SPATA13: variants seen among roughly 807,000 people sequenced by gnomAD.
SPATA13 encodes the protein spermatogenesis associated 13.
SPATA13 carries 50 observed loss-of-function variants against 104.0 expected under a neutral mutation model. The ratio of observed to expected loss-of-function variants is 0.48; its 90% confidence interval spans 0.38 to 0.61. The LOEUF (loss-of-function observed/expected upper bound fraction) is 0.61. SPATA13 is among the 20% of genes least tolerant of loss of function. SPATA13 has a pLI of 0.00. For synonymous variants in SPATA13, 606 were observed against 667.5 expected, an observed-to-expected ratio of 0.91 and a Z score of 1.42; for missense variants, 1,524 against 1,690.6, an observed-to-expected ratio of 0.90 and a Z score of 1.73.
intron 3 of SPATA13, among the ~76,000 whole-genome samples, chr13:24,073,202 G>A (rs1195048152): frequency 6.6e-6 from 1 of 152,138 alleles, no homozygotes; most frequent in African/African-American, 2.4e-5. Flanking sequence ...GTGGACATTT[G>A]TCAAGGTTTC....
chr13:24,115,659 A>G (rs936196889), intron 3 of SPATA13, among the ~76,000 whole-genome samples: 2 of 152,210 alleles, frequency 1.3e-5, no homozygotes, highest in South Asian at 2.1e-4. Context: ...TACAACCGCA[A>G]TGAACATTCA....
chr13:24,303,303 G>T lies in SPATA13; in HGVS notation c.*530G>T. The T allele has an allele frequency of 2.7e-6, 1 of 364,676 alleles. No homozygotes were observed. Among genetic ancestry groups the T allele is most frequent in the South Asian group, 2.1e-5 (1 of 47,922 alleles). 22.6% of individuals were successfully genotyped at this position (364,676 alleles called of 1,614,324 possible). A position where few individuals can be genotyped will look rare whatever the true frequency, so the allele number is the denominator to read the frequency against. On this transcript the variant is annotated 3_prime_UTR_variant, in exon 13 of 13. Transcript: ENST00000382108. The stretch of plus-strand genomic sequence containing the variant: ...TACTGGGGGACCTACAGCTGCCGTG[G>T]GGCTGACCACGGTGTTCCCTGGCAT...
intron 2 of SPATA13, among the ~76,000 whole-genome samples, chr13:24,002,607 T>C (rs1281452301): frequency 2.0e-5 from 3 of 152,082 alleles, no homozygotes; most frequent in East Asian, 1.9e-4. Flanking sequence ...TTGGACTGAC[T>C]AGACTGCAGG....
chr13:24,074,700 T>C (rs1249141115), intron 3 of SPATA13, among the ~76,000 whole-genome samples: 1 of 152,144 alleles, frequency 6.6e-6, no homozygotes, highest in Non-Finnish European at 1.5e-5. Flanking sequence ...TGGTGGCCAT[T>C]GAAAGAAAAA....
chr13:24,268,524 C>T (rs1056946520), intron 4 of SPATA13, among the ~76,000 whole-genome samples: 6 of 152,012 alleles, frequency 3.9e-5, no homozygotes, highest in African/African-American at 1.2e-4. Flanking sequence ...TTTGGGAGGC[C>T]GAGGTGGGCA....
intron 3 of SPATA13, among the ~76,000 whole-genome samples, chr13:24,113,234 T>A (rs1236046890): frequency 1.3e-5 from 2 of 152,234 alleles, no homozygotes; most frequent in African/African-American, 4.8e-5. Context: ...TTATTTAATA[T>A]CCTAGGCAAA....
chr13:24,086,197 C>T (rs7985555), intron 3 of SPATA13, among the ~76,000 whole-genome samples: 80,074 of 152,088 alleles, frequency 0.53, 21,228 homozygotes, highest in Admixed American at 0.6. Context: ...ATAACAGGCC[C>T]GGCTACGTTT....
At chr13:24,292,004 C>T (rs1386985697) in intron 9 of SPATA13, among the ~76,000 whole-genome samples, 2 of 151,980 alleles carry the variant, frequency 1.3e-5, no homozygotes, top group African/African-American at 2.4e-5. Flanking sequence ...GATCCACCCG[C>T]CTCGGCCTCC....
At chr13:24,292,332 T>C (rs10129132) in intron 9 of SPATA13, among the ~76,000 whole-genome samples, 13,222 of 152,284 alleles carry the variant, frequency 0.087, 628 homozygotes, top group Non-Finnish European at 0.1. Context: ...AGTGCTTGGC[T>C]AATTCTGAGT....
At chr13:24,196,124 A>G (rs892108874) in intron 1 of SPATA13, among the ~76,000 whole-genome samples, 1 of 152,148 alleles carries the variant, frequency 6.6e-6, no homozygotes, top group South Asian at 2.1e-4. Context: ...TTTTCAAAAT[A>G]TCTTAAAGGG....
chr13:24,105,989 C>T lies in SPATA13; in HGVS notation c.-112+88288C>T, dbSNP rs144545087. The stretch of plus-strand genomic sequence containing the variant: ...CCAGCTTCTAGAACTGTGAGAAATA[C>T]GTTTCTGTCGTTTAAGCTACCCAAT... On this transcript the variant is annotated intron_variant, in intron 3 of 14. Transcript: ENST00000424834. Among the ~76,000 whole-genome samples, 7 of 152,282 alleles carry T rather than the reference C, an allele frequency of 4.6e-5. No individual in the cohort carries two copies. The East Asian group carries it at 5.8e-4, about 13-fold the overall frequency.
rs1182050312 is a variant in SPATA13, at chr13:24,222,974, C to T, written c.45C>T (p.Asn15=). 1 of 1,551,316 alleles carries T rather than the reference C, an allele frequency of 6.4e-7. No homozygotes were observed. The highest frequency in any genetic ancestry group is 1.4e-5 in the African/African-American group (1 of 73,178). The change falls in exon 2 of 13, where the codon AAC becomes AAT. Residue 15 remains asparagine (N), a synonymous_variant. Transcript: ENST00000382108. ...GGCCCTGGGCACCCTGCCTGGAGAA[C>T]ATGACCACTGCCCCAAACGGCCTCG... ...AVRPWAPCLE[N]MTTAPNGLGP...
Position 24,249,488 on chromosome 13 carries a change from T to C in SPATA13, c.1665T>C (p.Asp555=). The C allele has an allele frequency of 6.4e-7, 1 of 1,566,542 alleles. No homozygotes were observed. ...EEKEKEEVVP[D]GPWRRSSSQD... ...TTCGCATTTGAAAGGTCGTCCCTGA[T>C]GGCCCCTGGAGGCGAAGCTCATCAC... is the stretch of plus-strand genomic sequence containing the variant. Residue 555 remains aspartate (D), a synonymous_variant, in exon 3 of 13, where the codon GAT becomes GAC. Transcript: ENST00000382108.
chr13:24,015,430 T>G (rs1195343534), intron 2 of SPATA13, among the ~76,000 whole-genome samples: 1 of 152,202 alleles, frequency 6.6e-6, no homozygotes, highest in African/African-American at 2.4e-5. Flanking sequence ...TCAAAGTACA[T>G]GTGAGGAAAA....
intron 3 of SPATA13, among the ~76,000 whole-genome samples, chr13:24,078,275 T>C (rs1879397874): frequency 6.6e-6 from 1 of 152,202 alleles, no homozygotes; most frequent in African/African-American, 2.4e-5. Context: ...ACGCCTCTGT[T>C]TGAGTTCTGA....
chr13:24,294,536 T>C (rs1876617591), intron 9 of SPATA13, among the ~76,000 whole-genome samples: 1 of 152,220 alleles, frequency 6.6e-6, no homozygotes, highest in South Asian at 2.1e-4. Flanking sequence ...GAATTCTGAA[T>C]TGCACTGGGT....
intron 4 of SPATA13, chr13:24,270,698 A>G: frequency 4.1e-6 from 6 of 1,481,140 alleles, no homozygotes; most frequent in Non-Finnish European, 5.4e-6. Flanking sequence ...GTTTCTGGGC[A>G]GGCTCTGGCC....
intron 4 of SPATA13, among the ~76,000 whole-genome samples, chr13:24,254,161 G>A (rs1265367237): frequency 6.6e-6 from 1 of 151,602 alleles, no homozygotes; most frequent in Non-Finnish European, 1.5e-5. Context: ...GTACGAAGAG[G>A]CAAAAATGGC....
intron 1 of SPATA13, among the ~76,000 whole-genome samples, chr13:24,163,473 G>C (rs1207683290): frequency 6.6e-6 from 1 of 152,154 alleles, no homozygotes; most frequent in East Asian, 1.9e-4. Flanking sequence ...TGAGAGTTCC[G>C]TTTCACTTTA....
Sources: allele counts gnomAD v4.1 joint callset (sites outside exome capture counted in the v4.1 genomes callset), GRCh38; gene constraint gnomAD v4.1.1; transcripts MANE v1.5; gene names NCBI Gene and HGNC (gene_info 2026-07-23, HGNC 2026-07-21).